The following TMEM121 variants were observed in gnomAD, a reference collection of about 807,000 sequenced individuals.
The protein encoded by TMEM121 is transmembrane protein 121A.
Under a neutral mutation model 16.4 loss-of-function variants are expected in TMEM121, and 8 were observed. The ratio of observed to expected loss-of-function variants is 0.49; its 90% CI spans 0.29 to 0.88. The LOEUF (loss-of-function observed/expected upper bound fraction) is 0.88, where lower values mean the gene tolerates loss of function less well. TMEM121 is among the 40% of genes least tolerant of loss of function. The pLI is 0.09. For missense variants in TMEM121, 401 were observed against 462.0 expected, an observed-to-expected ratio of 0.87 and a Z score of 1.21; for synonymous variants, 235 against 226.2, an observed-to-expected ratio of 1.04 and a Z score of -0.35.
chr14:105,528,843 G>A lies in TMEM121; in HGVS notation c.9G>A (p.Leu3=). The part of the protein sequence containing the change: MV[L]PPPDRRHVCL... ...GGGCCCGGCGGCCGACCATGGTGCT[G>A]CCGCCCCCGGACCGGCGCCACGTGT... Residue 3 remains leucine (L), a synonymous_variant, in exon 2 of 2, where the codon CTG becomes CTA. Transcript: ENST00000392519. The A allele has an allele frequency of 6.5e-7, 1 of 1,533,600 alleles. No homozygotes were observed. 95.0% of individuals were successfully genotyped at this position (1,533,600 alleles called of 1,614,324 possible). A position where few individuals can be genotyped will look rare whatever the true frequency, so the allele number is the denominator to read the frequency against.
At position 105,528,739 on chromosome 14, in the gene TMEM121, C is replaced by A; in HGVS notation, c.-96C>A. The stretch of plus-strand genomic sequence containing the variant: ...CTCCCCAGGTTTCGAGCTCGCCGGG[C>A]CGTGTCGCGCCATGCCCGCTGGCTG... On this transcript the variant is annotated 5_prime_UTR_variant, in exon 2 of 2. Coordinates refer to ENST00000392519, the MANE Select transcript of TMEM121 (RefSeq NM_025268.4). 1 of 1,127,726 alleles carries A rather than the reference C, an allele frequency of 8.9e-7. No individual in the cohort carries two copies. Among genetic ancestry groups the A allele is most frequent in the Non-Finnish European group, 1.1e-6 (1 of 916,118 alleles). The allele number at this position is 1,127,726 out of a possible 1,614,324, so 69.9% of individuals were successfully genotyped here.
In TMEM121 at chr14:105,529,443, C is replaced by T; in HGVS notation, c.609C>T (p.Ser203=). The T allele has an allele frequency of 2.6e-6, 4 of 1,546,410 alleles. No individual in the cohort carries two copies. The highest frequency in any genetic ancestry group is 3.5e-6 in the Non-Finnish European group (4 of 1,146,900). The change falls in exon 2 of 2, where the codon AGC becomes AGT. Residue 203 remains serine (S), a synonymous_variant. Coordinates refer to ENST00000392519, the MANE Select transcript of TMEM121 (RefSeq NM_025268.4). The part of the protein sequence containing the change: ...VLPCVALSEV[S]MQGEHIAPQK... ...CGTGCGTGGCGCTCAGCGAGGTCAG[C>T]ATGCAGGGCGAGCACATAGCGCCGC...
rs782258833 is a variant in TMEM121, at chr14:105,529,083, C to G, written c.249C>G (p.Ile83Met). 5.0e-6 allele frequency: 8 copies of G among 1,612,052 alleles called. No homozygotes were observed. In the Admixed American group the frequency reaches 1.3e-4, roughly 27 times the overall value. Residue 83 changes from isoleucine to methionine, a missense_variant, in exon 2 of 2, where the codon ATC becomes ATG. By Grantham distance (10) the Ile-to-Met change is conservative. Transcript: ENST00000392519. ...CCATGATCCTGTGGTTCCTTTACAT[C>G]TTCGTGCTGGAGATCAAGCTCTACT... ...GYAMILWFLY[I>M]FVLEIKLYFI...
At position 105,529,614 on chromosome 14, in the gene TMEM121, G is replaced by A. The variant is rs1464244144; in HGVS notation, c.780G>A (p.Lys260=). ...AAAACGTGGTGGCGCTCGCCACCAA[G>A]GCCTGCACCTTCCTGGAGTACCGCC... ...VGKNVVALAT[K]ACTFLEYRRQ... The change falls in exon 2 of 2, where the codon AAG becomes AAA. Residue 260 remains lysine (K), a synonymous_variant. Coordinates refer to ENST00000392519, the MANE Select transcript of TMEM121 (RefSeq NM_025268.4). The A allele has an allele frequency of 1.9e-6, 3 of 1,579,990 alleles. No individual in the cohort carries two copies. The African/African-American group carries it at 4.0e-5, about 21-fold the overall frequency.
rs782486351 is a variant in TMEM121, at chr14:105,529,065, C to T, written c.231C>T (p.Ile77=). The change falls in exon 2 of 2, where the codon ATC becomes ATT. Residue 77 remains isoleucine (I), a synonymous_variant. Transcript: ENST00000392519. ...CGGCCAAGCGCGGCTACGCCATGATCCTGTGGTTCCTTTACATCTTCGTGC... is the reference window on the plus strand; with the variant it reads ...CGGCCAAGCGCGGCTACGCCATGATTCTGTGGTTCCTTTACATCTTCGTGC... ...VRTAKRGYAM[I]LWFLYIFVLE... 8.7e-6 allele frequency: 14 copies of T among 1,612,436 alleles called. No individual in the cohort carries two copies. The highest frequency in any genetic ancestry group is 1.2e-5 in the Non-Finnish European group (14 of 1,179,808).
rs1435914124 is a variant in TMEM121, at chr14:105,526,584, C to A, written c.-183C>A. Reference sequence around the variant, plus strand: ...AGGGGCGCGGCGGGAGGAGCCGGCGCGGCCCCGGCAGTGGCGGCAGAGGCT... The same window carrying A: ...AGGGGCGCGGCGGGAGGAGCCGGCGAGGCCCCGGCAGTGGCGGCAGAGGCT... On this transcript the variant is annotated 5_prime_UTR_variant, in exon 1 of 2. Coordinates refer to ENST00000392519, the MANE Select transcript of TMEM121 (RefSeq NM_025268.4). This position sits in a 1 kb window ranked among gnomAD's most constrained non-coding sequence, Gnocchi z 6.8. 6 of 138,350 alleles carry A rather than the reference C, an allele frequency of 4.3e-5. No homozygotes were observed. Among genetic ancestry groups the A allele is most frequent in the Admixed American group, 2.1e-4 (3 of 14,088 alleles). 8.6% of individuals were successfully genotyped at this position (138,350 alleles called of 1,614,324 possible). A position where few individuals can be genotyped will look rare whatever the true frequency, so the allele number is the denominator to read the frequency against.
At chr14:105,528,514 G>A in intron 1 of TMEM121, 1 of 183,754 alleles carries the variant, frequency 5.4e-6, no homozygotes, top group Middle Eastern at 2.2e-3. Context: ...CGAGGCCCGG[G>A]TGCTCTGGCG....
In TMEM121 at chr14:105,529,293, G is replaced by T. The variant is rs587612208; in HGVS notation, c.459G>T (p.Val153=). ...REDLRGRLFW[V]ALDLLDLLDM... The stretch of plus-strand genomic sequence containing the variant: ...ACCTGCGCGGCCGCCTGTTTTGGGT[G>T]GCGCTGGACCTGCTGGACCTGCTGG... The change falls in exon 2 of 2, where the codon GTG becomes GTT. Residue 153 remains valine (V), a synonymous_variant. Transcript: ENST00000392519. 9.5e-5 allele frequency: 147 copies of T among 1,540,904 alleles called. 1 individual carries two copies. The African/African-American group carries it at 1.4e-3, about 14-fold the overall frequency.
In TMEM121 at chr14:105,528,817, G is replaced by A. The variant is rs1200072046; in HGVS notation, c.-18G>A. The stretch of plus-strand genomic sequence containing the variant: ...CGTGGGGGCCGCGCGCGCCCAGGCC[G>A]GGGCCCGGCGGCCGACCATGGTGCT... On this transcript the variant is annotated 5_prime_UTR_variant, in exon 2 of 2. Coordinates refer to ENST00000392519, the MANE Select transcript of TMEM121 (RefSeq NM_025268.4). 2.1e-6 allele frequency: 3 copies of A among 1,454,224 alleles called. No individual in the cohort carries two copies. Among genetic ancestry groups the A allele is most frequent in the Non-Finnish European group, 2.7e-6 (3 of 1,106,304 alleles). 90.1% of individuals were successfully genotyped at this position (1,454,224 alleles called of 1,614,324 possible). A position where few individuals can be genotyped will look rare whatever the true frequency, so the allele number is the denominator to read the frequency against.
chr14:105,529,344 G>T lies in TMEM121; in HGVS notation c.510G>T (p.Pro170=). The T allele has an allele frequency of 6.5e-7, 1 of 1,539,394 alleles. No individual in the cohort carries two copies. ...ACATGCAGGCCAGCCTGTGGGAGCC[G>T]CCGCGCTCCGGGCTGCCGCTGTGGG... ...LLDMQASLWE[P]PRSGLPLWAE... The change falls in exon 2 of 2, where the codon CCG becomes CCT. Residue 170 remains proline, a synonymous_variant. Transcript: ENST00000392519.
rs2084629018 is a variant in TMEM121 at position 105,529,811 on chromosome 14, C to T, written c.*17C>T. ...GACACGTGACAGGGCCCGCGCGGCCCCCGACACGCCCCTGGGGCGCAGAGA... is the reference window on the plus strand; with the variant it reads ...GACACGTGACAGGGCCCGCGCGGCCTCCGACACGCCCCTGGGGCGCAGAGA... On this transcript the variant is annotated 3_prime_UTR_variant, in exon 2 of 2. Transcript: ENST00000392519. The T allele has an allele frequency of 4.1e-5, 58 of 1,403,220 alleles. No homozygotes were observed. Among genetic ancestry groups the T allele is most frequent in the Non-Finnish European group, 5.3e-5 (58 of 1,090,578 alleles). The allele number at this position is 1,403,220 out of a possible 1,614,324, so 86.9% of individuals were successfully genotyped here.
chr14:105,530,065 G>C lies in TMEM121; in HGVS notation c.*271G>C, dbSNP rs1446171861. 2 of 424,382 alleles carry C rather than the reference G, an allele frequency of 4.7e-6. No homozygotes were observed. Among genetic ancestry groups the C allele is most frequent in the African/African-American group, 4.2e-5 (2 of 47,560 alleles). 26.3% of individuals were successfully genotyped at this position (424,382 alleles called of 1,614,324 possible). A position where few individuals can be genotyped will look rare whatever the true frequency, so the allele number is the denominator to read the frequency against. On this transcript the variant is annotated 3_prime_UTR_variant, in exon 2 of 2. Transcript: ENST00000392519. ...AGCAGAGGTGATCCGGCCCCTGCCTGCTGGGCCGCCCGGGTTGGAAGGGAG... is the reference window on the plus strand; with the variant it reads ...AGCAGAGGTGATCCGGCCCCTGCCTCCTGGGCCGCCCGGGTTGGAAGGGAG...
chr14:105,529,795 C>T lies in TMEM121; in HGVS notation c.*1C>T. ...CACGCGTGACCCCCTGGACACGTGA[C>T]AGGGCCCGCGCGGCCCCCGACACGC... On this transcript the variant is annotated 3_prime_UTR_variant, in exon 2 of 2. Coordinates refer to ENST00000392519, the MANE Select transcript of TMEM121 (RefSeq NM_025268.4). 1.4e-6 allele frequency: 2 copies of T among 1,423,502 alleles called. No individual in the cohort carries two copies. Among genetic ancestry groups the T allele is most frequent in the South Asian group, 1.5e-5 (1 of 65,604 alleles). The allele number at this position is 1,423,502 out of a possible 1,614,324, so 88.2% of individuals were successfully genotyped here.
rs1555443869 is a variant in TMEM121 at position 105,526,963 on chromosome 14, G to A, written c.-114+310G>A. 6.6e-6 allele frequency: 1 copy of A among 152,200 alleles called. No individual in the cohort carries two copies. The highest frequency in any genetic ancestry group is 2.4e-5 in the African/African-American group (1 of 41,348). The allele number at this position is 152,200 out of a possible 1,614,324, so 9.4% of individuals were successfully genotyped here. A position where few individuals can be genotyped will look rare whatever the true frequency, so the allele number is the denominator to read the frequency against. Reference sequence around the variant, plus strand: ...CTCCGAGGGGTGGTTATGGGGCGAGGGTCCTTGCGGGGCCCGGGCAGTGAA... The same window carrying A: ...CTCCGAGGGGTGGTTATGGGGCGAGAGTCCTTGCGGGGCCCGGGCAGTGAA... On this transcript the variant is annotated intron_variant, in intron 1 of 1. Coordinates refer to ENST00000392519, the MANE Select transcript of TMEM121 (RefSeq NM_025268.4). The surrounding 1 kb of genome is among the most constrained non-coding windows in gnomAD (Gnocchi z 6.8).
At position 105,528,888 on chromosome 14, in the gene TMEM121, C is replaced by G. The variant is rs1555444098; in HGVS notation, c.54C>G (p.Ile18Met). The change falls in exon 2 of 2, where the codon ATC becomes ATG. Residue 18 changes from isoleucine (I) to methionine (M), a missense_variant. Transcript: ENST00000392519. ...ACGTGTGCCTGACCACGCTGGTGAT[C>G]ATGGGCAGCATGGCCGTCATGGACG... The part of the protein sequence containing the change: ...RRHVCLTTLV[I>M]MGSMAVMDAY... 3 of 1,557,732 alleles carry G rather than the reference C, an allele frequency of 1.9e-6. No individual in the cohort carries two copies.
At position 105,528,859 on chromosome 14, in the gene TMEM121, C is replaced by T. The variant is rs1555444093; in HGVS notation, c.25C>T (p.Arg9Cys). Reference protein sequence around the residue: MVLPPPDRRHVCLTTLVIM... With the variant: MVLPPPDRCHVCLTTLVIM... ...CATGGTGCTGCCGCCCCCGGACCGG[C>T]GCCACGTGTGCCTGACCACGCTGGT... The change falls in exon 2 of 2, where the codon CGC becomes TGC. Residue 9 changes from arginine (R) to cysteine (C), a missense_variant. Physicochemically the swap from Arg to Cys is radical, Grantham distance 180 (BLOSUM62 -3). Coordinates refer to ENST00000392519, the MANE Select transcript of TMEM121 (RefSeq NM_025268.4). 1 of 1,541,868 alleles carries T rather than the reference C, an allele frequency of 6.5e-7. No individual in the cohort carries two copies. Among genetic ancestry groups the T allele is most frequent in the Non-Finnish European group, 8.7e-7 (1 of 1,143,180 alleles).
In TMEM121 at chr14:105,529,853, G is replaced by A; in HGVS notation, c.*59G>A. ...GCGCAGAGACACCGGGTTGGCTTGG[G>A]GCGCGCGGTTTGCATGGGATGGGGT... is the stretch of plus-strand genomic sequence containing the variant. On this transcript the variant is annotated 3_prime_UTR_variant, in exon 2 of 2. Transcript: ENST00000392519. 7.3e-7 allele frequency: 1 copy of A among 1,364,584 alleles called. No homozygotes were observed. Among genetic ancestry groups the A allele is most frequent in the South Asian group, 1.8e-5 (1 of 55,980 alleles). The allele number at this position is 1,364,584 out of a possible 1,614,324, so 84.5% of individuals were successfully genotyped here. A position where few individuals can be genotyped will look rare whatever the true frequency, so the allele number is the denominator to read the frequency against.
Position 105,529,658 on chromosome 14 carries a change from C to G in TMEM121, c.824C>G (p.Pro275Arg). 6.4e-7 allele frequency: 1 copy of G among 1,573,618 alleles called. No individual in the cohort carries two copies. The highest frequency in any genetic ancestry group is 8.6e-7 in the Non-Finnish European group (1 of 1,168,686). The change falls in exon 2 of 2, where the codon CCG (proline) becomes CGG (arginine). Residue 275 changes from proline to arginine, a missense_variant. Transcript: ENST00000392519. The stretch of plus-strand genomic sequence containing the variant: ...TACCGCCGCCAGGTGCGCGACTTCC[C>G]GCCGCCTGCGCTATCACTGGAGCTG... The part of the protein sequence containing the change: ...LEYRRQVRDF[P>R]PPALSLELQP...
intron 1 of TMEM121, 147 bp from the exon 2 acceptor site, chr14:105,528,575 G>A (rs1555444043): frequency 1.3e-5 from 3 of 232,452 alleles, no homozygotes; most frequent in Admixed American, 1.1e-4. Flanking sequence ...CCGCCGGTTC[G>A]CGCATGGGCG....
Sources: gnomAD v4.1 joint callset for allele counts on GRCh38, gnomAD v4.1.1 for gene constraint, Gnocchi (gnomAD v3.1) non-coding constraint, MANE v1.5 for transcripts, NCBI Gene and HGNC (gene_info 2026-07-23, HGNC 2026-07-21) for gene names.